The following KIAA1755 variants were observed in gnomAD, a reference collection of about 807,000 sequenced individuals.
KIAA1755 encodes the protein uncharacterized protein KIAA1755.
In KIAA1755, 68 loss-of-function variants were observed where a neutral mutation model predicts 91.7. The observed-to-expected ratio is 0.74, with a 90% CI of 0.61 to 0.91. The LOEUF (loss-of-function observed/expected upper bound fraction) is 0.91. KIAA1755 is among the 40% of genes least tolerant of loss of function. The pLI, the probability that KIAA1755 is intolerant of heterozygous loss-of-function variation, is 0.00. For synonymous variants in KIAA1755, 610 were observed against 604.6 expected, an observed-to-expected ratio of 1.01 and a Z score of -0.13; for missense variants, 1,535 against 1,494.4, an observed-to-expected ratio of 1.03 and a Z score of -0.45.
chr20:38,214,631 G>A (rs1299080593), intron 13 of KIAA1755, among the ~76,000 whole-genome samples: 1 of 152,192 alleles, frequency 6.6e-6, no homozygotes, highest in Non-Finnish European at 1.5e-5. Context: ...ATGGGCAGAA[G>A]GAGAAACCGG....
Position 38,218,448 on chromosome 20 carries a change from G to A in KIAA1755, c.2557-82C>T, listed in dbSNP as rs2075593100. 3.8e-6 allele frequency: 6 copies of A among 1,562,984 alleles called. No individual in the cohort carries two copies. In the East Asian group the frequency reaches 9.1e-5, roughly 24 times the overall value. On this transcript the variant is annotated intron_variant, in intron 11 of 13. Coordinates refer to ENST00000279024, the MANE Select transcript of KIAA1755 (RefSeq NM_001029864.2). ...CAGCTCCCCCACTTCCTTGCAGGCT[G>A]AGGTCTTCTGTCTTCACTCATTCAG... is the stretch of plus-strand genomic sequence containing the variant.
intron 8 of KIAA1755, among the ~76,000 whole-genome samples, chr20:38,224,519 G>A (rs563807860): frequency 1.3e-5 from 2 of 152,278 alleles, no homozygotes; most frequent in African/African-American, 2.4e-5. Flanking sequence ...ATAGACCGGC[G>A]GTTCTCAATG....
At chr20:38,260,102 C>G in intron 1 of KIAA1755, 2 of 955,976 alleles carry the variant, frequency 2.1e-6, no homozygotes, top group Non-Finnish European at 2.8e-6. Context: ...TTAACCCCCA[C>G]CACCACTCTT....
chr20:38,222,541 GTCCCTCAGCACA>G lies in KIAA1755; in HGVS notation c.2313_2324del (p.Val772_Asp775del). ...CCCGCTGGAGGCCCAGTAGGCCGGG[GTCCCTCAGCACA>G]GCCTCCATCAGCTCCTTGGACTTGC... On this transcript the variant is annotated inframe_deletion, in exon 10 of 14. Coordinates refer to ENST00000279024, the MANE Select transcript of KIAA1755 (RefSeq NM_001029864.2). 2.5e-6 allele frequency: 4 copies of G among 1,613,572 alleles called. No homozygotes were observed. The highest frequency in any genetic ancestry group is 3.4e-6 in the Non-Finnish European group (4 of 1,179,980).
intron 9 of KIAA1755, chr20:38,222,926 G>T (rs1381991323): frequency 2.5e-6 from 1 of 393,304 alleles, no homozygotes; most frequent in Non-Finnish European, 4.8e-6. Flanking sequence ...ATAACCCCTG[G>T]TTTAAAACTC....
In KIAA1755 at chr20:38,223,579, T is replaced by A. The variant is rs1417458593; in HGVS notation, c.2227A>T (p.Ile743Phe). ...GGGTCGGCCTTCTCGAATTCCTCGA[T>A]GGAAGCTTGTAGCAGGGAAGAGGCC... ...HQASSLLQAS[I>F]EEFEKADPPG... The change falls in exon 9 of 14, where the codon ATC becomes TTC. Residue 743 changes from isoleucine (I) to phenylalanine (F), a missense_variant. Coordinates refer to ENST00000279024, the MANE Select transcript of KIAA1755 (RefSeq NM_001029864.2). The A allele has an allele frequency of 1.2e-6, 2 of 1,601,650 alleles. No homozygotes were observed. Among genetic ancestry groups the A allele is most frequent in the South Asian group, 2.2e-5 (2 of 89,088 alleles).
chr20:38,233,689 C>A (rs2075907846), intron 4 of KIAA1755: 1 of 152,144 alleles, frequency 6.6e-6, no homozygotes, highest in Non-Finnish European at 1.5e-5. Flanking sequence ...GTGCTGCACT[C>A]CCCTGCTCTA....
At position 38,239,719 on chromosome 20, in the gene KIAA1755, G is replaced by T; in HGVS notation, c.1556C>A (p.Thr519Lys). The change falls in exon 4 of 14, where the codon ACA becomes AAA. Residue 519 changes from threonine (T) to lysine (K), a missense_variant. Thr to Lys is a moderately conservative substitution (Grantham distance 78). Transcript: ENST00000279024. The part of the protein sequence containing the change: ...NRAKSLGKAG[T>K]TQTKTSGPAT... ...TGGGCCAGATGTTTTGGTCTGAGTTGTTCCAGCTGGGAAAAAGCAACAACA... is the reference window on the plus strand; with the variant it reads ...TGGGCCAGATGTTTTGGTCTGAGTTTTTCCAGCTGGGAAAAAGCAACAACA... The T allele has an allele frequency of 6.2e-7, 1 of 1,611,778 alleles. No individual in the cohort carries two copies.
Position 38,240,570 on chromosome 20 carries a change from T to C in KIAA1755, c.1549+12A>G, listed in dbSNP as rs754833704. 6.1e-5 allele frequency: 90 copies of C among 1,484,610 alleles called. No individual in the cohort carries two copies. The highest frequency in any genetic ancestry group is 7.5e-5 in the Non-Finnish European group (84 of 1,116,806). The allele number at this position is 1,484,610 out of a possible 1,614,324, so 92.0% of individuals were successfully genotyped here. ...TAACCTCCTTGTACAGCTGAGCATG[T>C]GGGCATCTTACCTTTCCCCAAAGAT... On this transcript the variant is annotated intron_variant, in intron 3 of 13. Transcript: ENST00000279024.
chr20:38,217,618 A>G (rs2075573913), intron 12 of KIAA1755, 144 bp from the exon 13 acceptor site: 3 of 614,278 alleles, frequency 4.9e-6, no homozygotes, highest in Admixed American at 5.7e-5. Flanking sequence ...TGGGGACCCT[A>G]ATAGCACCCA....
chr20:38,239,471 G>C, intron 4 of KIAA1755, 57 bp downstream of exon 4: 1 of 1,516,604 alleles, frequency 6.6e-7, no homozygotes, highest in Non-Finnish European at 9.1e-7. Flanking sequence ...AGCAGCTGAA[G>C]ATGCTCTGGG....
intron 13 of KIAA1755, 118 bp downstream of exon 13, chr20:38,217,135 G>T: frequency 1.2e-6 from 1 of 858,116 alleles, no homozygotes; most frequent in Non-Finnish European, 1.8e-6. Flanking sequence ...GGTATCCAAG[G>T]GATGGGGGCG....
intron 11 of KIAA1755, among the ~76,000 whole-genome samples, chr20:38,218,648 T>C (rs1379898774): frequency 6.6e-6 from 1 of 152,190 alleles, no homozygotes; most frequent in Non-Finnish European, 1.5e-5. Context: ...CACAGGGTGG[T>C]GAACTTCAGG....
In KIAA1755 at chr20:38,218,274, TGC is replaced by T. The variant is rs1801014550; in HGVS notation, c.2647_2648del (p.Ala883ArgfsTer3). 1 of 1,614,116 alleles carries T rather than the reference TGC, an allele frequency of 6.2e-7. No individual in the cohort carries two copies. The highest frequency in any genetic ancestry group is 1.1e-5 in the South Asian group (1 of 91,094). ...CCTGGAGGAAGAAGTTCTCAAATTC[TGC>T]GTGGGCTTTCTCCACTGTCTCCAAA... ...GSLETVEKAH[A>X]EFENFFLQAA... On this transcript the variant is annotated frameshift_variant, in exon 12 of 14. Coordinates refer to ENST00000279024, the MANE Select transcript of KIAA1755 (RefSeq NM_001029864.2). LOFTEE classifies it high-confidence loss of function.
chr20:38,241,233 A>G lies in KIAA1755; in HGVS notation c.898T>C (p.Cys300Arg), dbSNP rs369397956. The change falls in exon 3 of 14, where the codon TGT (cysteine) becomes CGT (arginine). Residue 300 changes from cysteine to arginine, a missense_variant. Cys to Arg is a radical substitution (Grantham distance 180). Transcript: ENST00000279024. ...PSREAGTSSG[C>R]TSGALEEIAG... is the part of the protein sequence containing the mutation. ...ATCTCCTCTAGTGCCCCAGAAGTACACCCACTGGATGTGCCTGCCTCCCTA... is the reference window on the plus strand; with the variant it reads ...ATCTCCTCTAGTGCCCCAGAAGTACGCCCACTGGATGTGCCTGCCTCCCTA... 149 of 1,613,928 alleles carry G rather than the reference A, an allele frequency of 9.2e-5. No individual in the cohort carries two copies. The highest frequency in any genetic ancestry group is 1.2e-4 in the Non-Finnish European group (136 of 1,179,990).
In KIAA1755 at chr20:38,223,626, G is replaced by A; in HGVS notation, c.2180C>T (p.Pro727Leu). The A allele has an allele frequency of 6.2e-7, 1 of 1,605,472 alleles. No individual in the cohort carries two copies. Among genetic ancestry groups the A allele is most frequent in the Non-Finnish European group, 8.5e-7 (1 of 1,176,552 alleles). Residue 727 changes from proline (P) to leucine (L), a missense_variant, in exon 9 of 14, where the codon CCT becomes CTT. Physicochemically the swap from Pro to Leu is moderately conservative, Grantham distance 98. Transcript: ENST00000279024. ...EWVHFFQKLD[P>L]FLADLHQASS... Reference sequence around the variant, plus strand: ...GGCCTGGTGGAGGTCAGCAAGGAAAGGGTCCAGCTTCTGCAGGACAGAGGA... The same window carrying A: ...GGCCTGGTGGAGGTCAGCAAGGAAAAGGTCCAGCTTCTGCAGGACAGAGGA...
At position 38,254,230 on chromosome 20, in the gene KIAA1755, C is replaced by T. The variant is rs561364717; in HGVS notation, c.3+6268G>A. The stretch of plus-strand genomic sequence containing the variant: ...GTCCAGATTTATCCATTTACTGCAA[C>T]GGGCAAAGATTTTAGTATCACTTAG... On this transcript the variant is annotated intron_variant, in intron 1 of 13. Transcript: ENST00000279024. Among the ~76,000 whole-genome samples, 138 of 152,216 alleles carry T rather than the reference C, an allele frequency of 9.1e-4. 1 individual carries two copies. Among genetic ancestry groups the T allele is most frequent in the African/African-American group, 1.8e-3 (76 of 41,522 alleles).
chr20:38,244,554 T>G (rs1248437850), intron 2 of KIAA1755, among the ~76,000 whole-genome samples: 1 of 152,158 alleles, frequency 6.6e-6, no homozygotes, highest in Non-Finnish European at 1.5e-5. Flanking sequence ...AGAACCTCTT[T>G]GTGATTCTTG....
chr20:38,217,240 C>A lies in KIAA1755; in HGVS notation c.2901+13G>T, dbSNP rs1281022390. On this transcript the variant is annotated intron_variant, in intron 13 of 13. Coordinates refer to ENST00000279024, the MANE Select transcript of KIAA1755 (RefSeq NM_001029864.2). ...ATCGGGGGGTATCTGTGCAGGTGGG[C>A]CGCGGGGCTCACCCTCTTGCAGAAG... 1.3e-6 allele frequency: 2 copies of A among 1,581,428 alleles called. No homozygotes were observed. Among genetic ancestry groups the A allele is most frequent in the Non-Finnish European group, 8.6e-7 (1 of 1,166,548 alleles).
Sources: gnomAD v4.1 joint callset for allele counts (sites outside exome capture counted in the v4.1 genomes callset) on GRCh38, gnomAD v4.1.1 for gene constraint, MANE v1.5 for transcripts, NCBI Gene and HGNC (gene_info 2026-07-23, HGNC 2026-07-21) for gene names.